Variants in FGF14 observed in about 807,000 individuals in gnomAD.
The protein encoded by FGF14 is fibroblast growth factor 14, also known as fibroblast growth factor homologous factor 4.
FGF14 carries 5 observed loss-of-function variants against 25.5 expected under a neutral mutation model. The ratio of observed to expected loss-of-function variants is 0.20; its 90% CI spans 0.10 to 0.41. The LOEUF (loss-of-function observed/expected upper bound fraction) is 0.41. Among genes scored for constraint, FGF14 ranks in the 10% least tolerant of loss-of-function variants. FGF14 has a pLI of 1.00. For missense variants in FGF14, 222 were observed against 320.1 expected (o/e 0.69, Z 2.34); for synonymous variants, 138 against 118.3 (o/e 1.17, Z -1.08).
At chr13:102,349,882 T>A (rs924565674) in intron 1 of FGF14, among the ~76,000 whole-genome samples, 3 of 152,194 alleles carry the variant, frequency 2.0e-5, no homozygotes, top group Non-Finnish European at 4.4e-5. Context: ...AGTAGTCCCA[T>A]GGAAATGATG....
chr13:101,820,313 G>A (rs2042049508), intron 3 of FGF14, among the ~76,000 whole-genome samples: 1 of 152,094 alleles, frequency 6.6e-6, no homozygotes, highest in African/African-American at 2.4e-5. Flanking sequence ...CACCAATAGT[G>A]AACAGATTAG....
intron 1 of FGF14, among the ~76,000 whole-genome samples, chr13:102,333,538 G>T (rs949679243): frequency 2.6e-5 from 4 of 152,102 alleles, no homozygotes; most frequent in Non-Finnish European, 5.9e-5. Flanking sequence ...GCAAGAAGAG[G>T]CCCCTGGGCT....
chr13:101,806,467 T>G (rs1262192488), intron 3 of FGF14, among the ~76,000 whole-genome samples: 1 of 151,514 alleles, frequency 6.6e-6, no homozygotes, highest in Non-Finnish European at 1.5e-5. Flanking sequence ...ATATGTACAT[T>G]GAGAAAATTT....
chr13:102,336,980 A>C (rs1463976296), intron 1 of FGF14, among the ~76,000 whole-genome samples: 1 of 152,196 alleles, frequency 6.6e-6, no homozygotes, highest in Non-Finnish European at 1.5e-5. Flanking sequence ...CTAGTCACTC[A>C]AAAGCCTTGA....
At chr13:102,127,144 T>G (rs1287883916) in intron 1 of FGF14, among the ~76,000 whole-genome samples, 1 of 152,152 alleles carries the variant, frequency 6.6e-6, no homozygotes, top group Non-Finnish European at 1.5e-5. Flanking sequence ...ATTGTGATCA[T>G]TGTATAGCTA....
chr13:102,201,315 G>C (rs1200886852), intron 1 of FGF14, among the ~76,000 whole-genome samples: 1 of 151,956 alleles, frequency 6.6e-6, no homozygotes, highest in East Asian at 1.9e-4. Flanking sequence ...AGAGCTGCGA[G>C]AGAATAACAA....
At chr13:102,370,392 CATACATAT>C (rs2057842937) in intron 1 of FGF14, among the ~76,000 whole-genome samples, 1 of 151,908 alleles carries the variant, frequency 6.6e-6, no homozygotes, top group African/African-American at 2.4e-5. Flanking sequence ...ATAATAGATA[CATACATAT>C]ATTTATGGGG....
At chr13:102,001,394 G>A (rs1222461637) in intron 1 of FGF14, among the ~76,000 whole-genome samples, 1 of 152,120 alleles carries the variant, frequency 6.6e-6, no homozygotes, top group Non-Finnish European at 1.5e-5. Context: ...AAACCAGCAA[G>A]CATTAGGCTC....
chr13:101,970,131 A>T (rs2037503562), intron 1 of FGF14, among the ~76,000 whole-genome samples: 2 of 152,208 alleles, frequency 1.3e-5, no homozygotes, highest in African/African-American at 4.8e-5. Flanking sequence ...CATATTTTGA[A>T]GATGAGGGGA....
chr13:101,816,269 C>CAAAAAAAAAAAAAAAAAA (rs58615099), intron 3 of FGF14, among the ~76,000 whole-genome samples: 2 of 89,050 alleles, frequency 2.2e-5, no homozygotes, highest in East Asian at 3.5e-4. Context: ...GACTCCGTCT[C>CAAAAAAAAAAAAAAAAAA]AAAAAAAAAA....
intron 1 of FGF14, among the ~76,000 whole-genome samples, chr13:101,995,213 C>T (rs1228209099): frequency 1.3e-5 from 2 of 151,960 alleles, no homozygotes; most frequent in East Asian, 3.9e-4. Flanking sequence ...GTTGTTTTCC[C>T]TCTCTCTTTG....
chr13:102,000,547 T>C (rs1322227643), intron 1 of FGF14, among the ~76,000 whole-genome samples: 1 of 152,224 alleles, frequency 6.6e-6, no homozygotes, highest in Non-Finnish European at 1.5e-5. Context: ...CACATATTCT[T>C]CACAAGTATG....
chr13:101,950,545 A>G (rs1024655893), intron 1 of FGF14, among the ~76,000 whole-genome samples: 1 of 152,202 alleles, frequency 6.6e-6, no homozygotes, highest in Non-Finnish European at 1.5e-5. Context: ...TAAAATTTGC[A>G]TAACTGTCAA....
chr13:102,006,724 CTTCTTTTTTTT>C (rs1312755039), intron 1 of FGF14, among the ~76,000 whole-genome samples: 4 of 97,946 alleles, frequency 4.1e-5, no homozygotes, highest in Non-Finnish European at 5.9e-5. Flanking sequence ...CAAAATCTTA[CTTCTTTTTTTT>C]TTTTTTTTTT....
At chr13:102,143,378 G>A (rs1167375696) in intron 1 of FGF14, among the ~76,000 whole-genome samples, 1 of 152,046 alleles carries the variant, frequency 6.6e-6, no homozygotes, top group Non-Finnish European at 1.5e-5. Context: ...CATGCTATGT[G>A]CTTATGTAAT....
At chr13:102,240,659 G>T (rs569350208) in intron 1 of FGF14, among the ~76,000 whole-genome samples, 8 of 152,272 alleles carry the variant, frequency 5.3e-5, no homozygotes, top group African/African-American at 1.9e-4. Flanking sequence ...AGCTACAGGA[G>T]AGGAAAGATA....
At chr13:101,826,749 T>C (rs1164548317) in intron 3 of FGF14, among the ~76,000 whole-genome samples, 1 of 152,058 alleles carries the variant, frequency 6.6e-6, no homozygotes, top group Non-Finnish European at 1.5e-5. Flanking sequence ...TTAGCTTACA[T>C]TTAAAAATTA....
At chr13:101,877,081 A>AT (rs1215418073) in intron 1 of FGF14, among the ~76,000 whole-genome samples, 1 of 152,114 alleles carries the variant, frequency 6.6e-6, no homozygotes, top group Non-Finnish European at 1.5e-5. Context: ...GCAGTCTCCT[A>AT]TTTGAGCTAC....
In FGF14 at chr13:102,043,472, T is replaced by C. The variant is rs1351257897; in HGVS notation, c.209-168176A>G. ...CACTGAGGCAAAACCTCCAAACAAT[T>C]TGCTTCTTTTTTAGAAGGGCAAGTA... On this transcript the variant is annotated intron_variant, in intron 1 of 4. Transcript: ENST00000376131. Among the ~76,000 whole-genome samples, 3 of 152,250 alleles carry C rather than the reference T, an allele frequency of 2.0e-5. 1 individual carries two copies. Among genetic ancestry groups the C allele is most frequent in the Admixed American group, 2.0e-4 (3 of 15,286 alleles).
Sources: allele counts gnomAD v4.1 joint callset (sites outside exome capture counted in the v4.1 genomes callset), GRCh38; gene constraint gnomAD v4.1.1; transcripts MANE v1.5; gene names NCBI Gene and HGNC (gene_info 2026-07-23, HGNC 2026-07-21).